The following KIF13B variants were observed in gnomAD, a reference collection of about 807,000 sequenced individuals.
The protein encoded by KIF13B is kinesin family member 13B.
In KIF13B, 127 loss-of-function variants were observed where a neutral mutation model predicts 222.0. The observed-to-expected ratio is 0.57, with a 90% CI of 0.50 to 0.66. The LOEUF (loss-of-function observed/expected upper bound fraction) is 0.66, where lower values mean the gene tolerates loss of function less well. Among genes scored for constraint, KIF13B ranks in the 30% least tolerant of loss-of-function variants. KIF13B has a pLI of 0.00. For missense variants in KIF13B, 2,173 were observed against 2,379.0 expected (o/e 0.91, Z 1.80); for synonymous variants, 976 against 919.0 (o/e 1.06, Z -1.12).
rs755825639 is a variant in KIF13B, at chr8:29,188,607, C to T, written c.224G>A (p.Gly75Asp). The change falls in exon 5 of 40, where the codon GGT (glycine) becomes GAT (aspartate). Residue 75 changes from glycine to aspartate, a missense_variant and splice_region_variant. This residue lies in a region of KIF13B where 1,480 missense variants were observed against 1,722.8 expected (regional missense o/e 0.86). Coordinates refer to ENST00000524189, the MANE Select transcript of KIF13B (RefSeq NM_015254.4). ...MDESVKEKYA[G>D]QDIVFKCLGE... ...AAGGCACTTGAAAACAATATCTTGA[C>T]CTGAGAGAGAGAGAATAAGAGAAAA... The T allele has an allele frequency of 2.5e-6, 4 of 1,593,880 alleles. No homozygotes were observed. The highest frequency in any genetic ancestry group is 1.3e-5 in the African/African-American group (1 of 74,440).
chr8:29,094,641 T>C (rs1808440329), intron 36 of KIF13B, among the ~76,000 whole-genome samples: 1 of 152,140 alleles, frequency 6.6e-6, no homozygotes, highest in South Asian at 2.1e-4. Flanking sequence ...TATATACAAA[T>C]ACATTTGGTA....
At chr8:29,107,431 G>A (rs1224965923) in intron 35 of KIF13B, among the ~76,000 whole-genome samples, 1 of 152,088 alleles carries the variant, frequency 6.6e-6, no homozygotes, top group African/African-American at 2.4e-5. Context: ...GGGAGGCTGA[G>A]GCAGGAGAAT....
At chr8:29,141,438 T>G (rs1325077137) in intron 19 of KIF13B, among the ~76,000 whole-genome samples, 1 of 152,158 alleles carries the variant, frequency 6.6e-6, no homozygotes. Context: ...GAGACAAACA[T>G]GTTTTAAGCA....
Position 29,086,393 on chromosome 8 carries a change from T to C in KIF13B, c.4458+6352A>G, listed in dbSNP as rs570548890. Among the ~76,000 whole-genome samples, 10 of 152,298 alleles carry C rather than the reference T, an allele frequency of 6.6e-5. No individual in the cohort carries two copies. The South Asian group carries it at 2.1e-3, about 32-fold the overall frequency. ...TGTCTCAACCAGGCATCATCTCACA[T>C]ACCTTTAGTCCCAGCTACTTGGGAG... On this transcript the variant is annotated intron_variant, in intron 37 of 39. Coordinates refer to ENST00000524189, the MANE Select transcript of KIF13B (RefSeq NM_015254.4).
intron 3 of KIF13B, among the ~76,000 whole-genome samples, chr8:29,192,897 A>C (rs990496628): frequency 1.3e-5 from 2 of 151,884 alleles, no homozygotes; most frequent in African/African-American, 4.8e-5. Context: ...TCCTGAAAAA[A>C]TAGTTCCAAT....
At chr8:29,248,505 C>T (rs1586984969) in intron 1 of KIF13B, among the ~76,000 whole-genome samples, 1 of 152,190 alleles carries the variant, frequency 6.6e-6, no homozygotes, top group Non-Finnish European at 1.5e-5. Flanking sequence ...AGGCACATCT[C>T]ACATGGCAGC....
At chr8:29,221,069 G>A (rs1411988059) in intron 2 of KIF13B, among the ~76,000 whole-genome samples, 2 of 150,610 alleles carry the variant, frequency 1.3e-5, no homozygotes, top group Non-Finnish European at 2.9e-5. Flanking sequence ...CTGAGCCCAG[G>A]GAAGCTGAGG....
At position 29,071,937 on chromosome 8, in the gene KIF13B, C is replaced by T. The variant is rs1807305672; in HGVS notation, c.4901G>A (p.Arg1634His). The change falls in exon 39 of 40, where the codon CGC becomes CAC. Residue 1634 changes from arginine (R) to histidine (H), a missense_variant. Coordinates refer to ENST00000524189, the MANE Select transcript of KIF13B (RefSeq NM_015254.4). This position sits in a 1 kb window ranked among gnomAD's most constrained non-coding sequence, Gnocchi z 4.9. The part of the protein sequence containing the change: ...PQQLVSPGRE[R>H]PDLEAPAPGS... ...GGGCGCCGGGGCCTCGAGGTCGGGG[C>T]GCTCCCGACCGGGGCTCACGAGCTG... is the stretch of plus-strand genomic sequence containing the variant. 1.7e-5 allele frequency: 24 copies of T among 1,396,162 alleles called. No individual in the cohort carries two copies. The highest frequency in any genetic ancestry group is 3.8e-5 in the Admixed American group (1 of 26,464). The allele number at this position is 1,396,162 out of a possible 1,614,324, so 86.5% of individuals were successfully genotyped here.
intron 10 of KIF13B, among the ~76,000 whole-genome samples, chr8:29,170,921 G>GA (rs908974516): frequency 7.3e-5 from 11 of 151,302 alleles, no homozygotes; most frequent in Middle Eastern, 3.4e-3. Context: ...ATACAAAAAA[G>GA]AAAAAAAAGG....
At chr8:29,233,709 C>T (rs775471900) in intron 2 of KIF13B, among the ~76,000 whole-genome samples, 13 of 152,116 alleles carry the variant, frequency 8.5e-5, no homozygotes, top group Non-Finnish European at 1.9e-4. Flanking sequence ...TATTTTAGAG[C>T]CAGGCACAGT....
intron 2 of KIF13B, among the ~76,000 whole-genome samples, chr8:29,202,826 A>T (rs1813756553): frequency 6.6e-6 from 1 of 152,070 alleles, no homozygotes; most frequent in African/African-American, 2.4e-5. Context: ...CTGGAGGCTC[A>T]GGCGTCATCT....
chr8:29,104,570 T>C (rs1445681771), intron 35 of KIF13B, among the ~76,000 whole-genome samples: 1 of 152,196 alleles, frequency 6.6e-6, no homozygotes, highest in Non-Finnish European at 1.5e-5. Flanking sequence ...GGGGCTCAGC[T>C]GGACCATTAA....
chr8:29,180,263 C>T, intron 7 of KIF13B, 25 bp from the exon 8 acceptor site: 1 of 1,612,800 alleles, frequency 6.2e-7, no homozygotes, highest in Non-Finnish European at 8.5e-7. Flanking sequence ...GTCATAGACC[C>T]ACGTTTCATT....
intron 1 of KIF13B, among the ~76,000 whole-genome samples, chr8:29,261,137 CAG>C (rs1450475068): frequency 6.6e-6 from 1 of 152,144 alleles, no homozygotes; most frequent in East Asian, 1.9e-4. Context: ...TAAGTGAACA[CAG>C]GAGGTACTTT....
In KIF13B at chr8:29,080,325, C is replaced by T. The variant is rs555268623; in HGVS notation, c.4459-4982G>A. On this transcript the variant is annotated intron_variant, in intron 37 of 39. Transcript: ENST00000524189. ...CCTGGGTGACAGAGTGAGACCCAGT[C>T]TCAAAAAAAAAAAAAAAAAAAAAAC... 7.9e-5 allele frequency among the ~76,000 whole-genome samples: 3 copies of T among 37,862 alleles called. No homozygotes were observed. The East Asian group carries it at 1.4e-3, about 18-fold the overall frequency. The allele number at this position is 37,862 out of a possible 152,430, so 24.8% of individuals were successfully genotyped here.
intron 33 of KIF13B, 119 bp from the exon 34 acceptor site, chr8:29,109,630 A>G: frequency 1.2e-6 from 1 of 859,184 alleles, no homozygotes; most frequent in South Asian, 1.5e-5. Context: ...TATTTAAACA[A>G]TGCTGTTACG....
chr8:29,141,459 CTAACTA>C (rs1467282163), intron 19 of KIF13B, among the ~76,000 whole-genome samples: 1 of 152,186 alleles, frequency 6.6e-6, no homozygotes, highest in East Asian at 1.9e-4. Flanking sequence ...AAAACATCAC[CTAACTA>C]TAAGAAACAT....
At chr8:29,076,904 G>A (rs1222660402) in intron 37 of KIF13B, among the ~76,000 whole-genome samples, 1 of 152,132 alleles carries the variant, frequency 6.6e-6, no homozygotes, top group African/African-American at 2.4e-5. Context: ...AAGCCCAGGA[G>A]TTGGAGGCTG....
intron 1 of KIF13B, among the ~76,000 whole-genome samples, chr8:29,252,297 C>T (rs1326241692): frequency 6.6e-6 from 1 of 152,224 alleles, no homozygotes; most frequent in Non-Finnish European, 1.5e-5. Context: ...CTATGGCTAG[C>T]ACCCAGTGAC....
Sources: gnomAD v4.1 joint callset for allele counts (sites outside exome capture counted in the v4.1 genomes callset) on GRCh38, gnomAD v4.1.1 for gene constraint, gnomAD v4.1.1 regional missense constraint, Gnocchi (gnomAD v3.1) non-coding constraint, MANE v1.5 for transcripts, NCBI Gene and HGNC (gene_info 2026-07-23, HGNC 2026-07-21) for gene names.